Variants in PRDM15 observed in about 807,000 individuals in gnomAD.
PRDM15 encodes the protein PR/SET domain 15.
In PRDM15, 64 loss-of-function variants were observed where a neutral mutation model predicts 128.6. The ratio of observed to expected loss-of-function variants is 0.50; its 90% CI spans 0.41 to 0.61. The LOEUF (loss-of-function observed/expected upper bound fraction) is 0.61. Ranked by LOEUF, PRDM15 falls within the 20% of genes least tolerant of loss-of-function variation. The pLI, the probability that PRDM15 is intolerant of heterozygous loss-of-function variation, is 0.00. For missense variants in PRDM15, 1,242 were observed against 1,569.1 expected, an observed-to-expected ratio of 0.79 and a Z score of 3.52; for synonymous variants, 615 against 621.8, an observed-to-expected ratio of 0.99 and a Z score of 0.16.
At position 41,821,221 on chromosome 21, in the gene PRDM15, C is replaced by T. The variant is rs373360314; in HGVS notation, c.1906G>A (p.Gly636Ser). 1.9e-5 allele frequency: 31 copies of T among 1,613,990 alleles called. No individual in the cohort carries two copies. Among genetic ancestry groups the T allele is most frequent in the African/African-American group, 1.3e-5 (1 of 74,920 alleles). Reference protein sequence around the residue: ...YSCKRCQLTFGRGKEYLKHIM... With the variant: ...YSCKRCQLTFSRGKEYLKHIM... ...TGCTTCAGGTACTCCTTCCCCCGGC[C>T]GAAGGTGAGCTGCGGGCCAGGTGGA... The change falls in exon 16 of 24, where the codon GGC becomes AGC. Residue 636 changes from glycine (G) to serine (S), a missense_variant. This residue lies in a region of PRDM15 where 602 missense variants were observed against 788.3 expected (regional missense o/e 0.76). Transcript: ENST00000398548. The surrounding 1 kb of genome is among the most constrained non-coding windows in gnomAD (Gnocchi z 5.4).
Position 41,859,365 on chromosome 21 carries a change from C to A in PRDM15, c.131+227G>T. On this transcript the variant is annotated intron_variant, in intron 3 of 23. Coordinates refer to ENST00000398548, the MANE Select transcript of PRDM15 (RefSeq NM_001040424.3). This position sits in a 1 kb window ranked among gnomAD's most constrained non-coding sequence, Gnocchi z 5.3. Reference sequence around the variant, plus strand: ...GAACAGCTGGGCTCCAGCTAAGAACCCTGGAGTGGATCAAAGAAACTCACT... The same window carrying A: ...GAACAGCTGGGCTCCAGCTAAGAACACTGGAGTGGATCAAAGAAACTCACT... 1 of 839,866 alleles carries A rather than the reference C, an allele frequency of 1.2e-6. No individual in the cohort carries two copies. 52.0% of individuals were successfully genotyped at this position (839,866 alleles called of 1,614,324 possible).
intron 1 of PRDM15, among the ~76,000 whole-genome samples, chr21:41,864,476 T>A: frequency 4.8e-4 from 1 of 2,102 alleles, no homozygotes; most frequent in East Asian, 0.011. Context: ...AAAACCAACA[T>A]GTCAAAAAGT....
intron 21 of PRDM15, among the ~76,000 whole-genome samples, chr21:41,806,868 G>GCACCACTACCA (rs2061694003): frequency 1.3e-3 from 151 of 118,624 alleles, no homozygotes; most frequent in African/African-American, 5.1e-3. Context: ...CACTACCACC[G>GCACCACTACCA]CCATCACCAT....
intron 1 of PRDM15, among the ~76,000 whole-genome samples, chr21:41,875,747 T>C (rs754610185): frequency 2.6e-5 from 4 of 152,228 alleles, no homozygotes; most frequent in Admixed American, 6.5e-5. Context: ...CTACTGTAAC[T>C]TTTTGCAACA....
chr21:41,800,649 T>TCAGCACGCCTCATGGTTTCAGCC lies in PRDM15; in HGVS notation c.*568_*590dup, dbSNP rs1268537702. 55 of 152,238 alleles carry TCAGCACGCCTCATGGTTTCAGCC rather than the reference T, an allele frequency of 3.6e-4. 1 individual carries two copies. The allele number at this position is 152,238 out of a possible 1,614,324, so 9.4% of individuals were successfully genotyped here. ...CGAAGGTTGCAGGATCAGGTGCGGCTCAGCACGCCTCATGGTTTCAGCCCA... is the reference window on the plus strand; with the variant it reads ...CGAAGGTTGCAGGATCAGGTGCGGCTCAGCACGCCTCATGGTTTCAGCCCAGCACGCCTCATGGTTTCAGCCCA... On this transcript the variant is annotated 3_prime_UTR_variant, in exon 24 of 24. Coordinates refer to ENST00000398548, the MANE Select transcript of PRDM15 (RefSeq NM_001040424.3).
At chr21:41,848,499 C>T (rs578093684) in intron 5 of PRDM15, among the ~76,000 whole-genome samples, 46 of 152,328 alleles carry the variant, frequency 3.0e-4, no homozygotes, top group African/African-American at 1.1e-3. Flanking sequence ...TCTGAGAATC[C>T]GCTGCTTGAA....
intron 5 of PRDM15, among the ~76,000 whole-genome samples, chr21:41,851,833 A>G (rs77251888): frequency 0.012 from 1,813 of 152,308 alleles, 52 homozygotes; most frequent in African/African-American, 0.042. Context: ...TTTGTCCCCA[A>G]ACACAAGTGA....
intron 7 of PRDM15, among the ~76,000 whole-genome samples, chr21:41,839,061 A>G (rs2062986631): frequency 6.6e-6 from 1 of 152,152 alleles, no homozygotes; most frequent in Non-Finnish European, 1.5e-5. Context: ...GAGACCACAC[A>G]CCCTGGAAGA....
chr21:41,866,214 T>C (rs1453389583), intron 1 of PRDM15, among the ~76,000 whole-genome samples: 2 of 152,268 alleles, frequency 1.3e-5, no homozygotes, highest in Non-Finnish European at 2.9e-5. Context: ...GGTTGGAAAG[T>C]TCCAAATGTT....
Position 41,810,030 on chromosome 21 carries a change from T to G in PRDM15, c.2652+124A>C, listed in dbSNP as rs1234235189. 2 of 968,988 alleles carry G rather than the reference T, an allele frequency of 2.1e-6. No homozygotes were observed. Among genetic ancestry groups the G allele is most frequent in the Admixed American group, 2.5e-5 (1 of 39,656 alleles). 60.0% of individuals were successfully genotyped at this position (968,988 alleles called of 1,614,324 possible). ...AGGCAGTGCCAGTCACAGACGCACC[T>G]AAGACTCAGGGCCTGCCTCCAGTAC... On this transcript the variant is annotated intron_variant, in intron 21 of 23. Coordinates refer to ENST00000398548, the MANE Select transcript of PRDM15 (RefSeq NM_001040424.3). This position sits in a 1 kb window ranked among gnomAD's most constrained non-coding sequence, Gnocchi z 6.4.
chr21:41,854,734 CCGCTGGCCG>C lies in PRDM15; in HGVS notation c.361_369del (p.Arg121_Ala123del). 6.2e-7 allele frequency: 1 copy of C among 1,613,272 alleles called. No individual in the cohort carries two copies. Among genetic ancestry groups the C allele is most frequent in the Non-Finnish European group, 8.5e-7 (1 of 1,179,874 alleles). ...GTCAGGTTCTGGTGCTCGGCCTCCGCCGCTGGCCGCACCAGCATCATCCAGTTGCAGTCA... is the reference window on the plus strand; with the variant it reads ...GTCAGGTTCTGGTGCTCGGCCTCCGCCACCAGCATCATCCAGTTGCAGTCA... On this transcript the variant is annotated inframe_deletion, in exon 5 of 24. Coordinates refer to ENST00000398548, the MANE Select transcript of PRDM15 (RefSeq NM_001040424.3). This position sits in a 1 kb window ranked among gnomAD's most constrained non-coding sequence, Gnocchi z 4.6.
chr21:41,818,244 T>C (rs1006452889), intron 18 of PRDM15, among the ~76,000 whole-genome samples: 11 of 152,214 alleles, frequency 7.2e-5, no homozygotes, highest in Non-Finnish European at 1.6e-4. Context: ...CCTGTCCCGC[T>C]AAGGCAGGCA....
chr21:41,810,010 G>A lies in PRDM15; in HGVS notation c.2652+144C>T. 7.9e-6 allele frequency: 6 copies of A among 758,888 alleles called. No homozygotes were observed. The highest frequency in any genetic ancestry group is 1.3e-5 in the Non-Finnish European group (6 of 479,388). 47.0% of individuals were successfully genotyped at this position (758,888 alleles called of 1,614,324 possible). On this transcript the variant is annotated intron_variant, in intron 21 of 23. Coordinates refer to ENST00000398548, the MANE Select transcript of PRDM15 (RefSeq NM_001040424.3). The surrounding 1 kb of genome is among the most constrained non-coding windows in gnomAD (Gnocchi z 6.4). ...CTCAGTGCCTCCTGTGTGGCAGGCA[G>A]TGCCAGTCACAGACGCACCTAAGAC...
In PRDM15 at chr21:41,819,630, G is replaced by C; in HGVS notation, c.2212C>G (p.Arg738Gly). 1 of 1,611,630 alleles carries C rather than the reference G, an allele frequency of 6.2e-7. No individual in the cohort carries two copies. Among genetic ancestry groups the C allele is most frequent in the Non-Finnish European group, 8.5e-7 (1 of 1,179,400 alleles). ...TACTCGCGGACATTGTCGTGCACAC[G>C]CATGTGCTCCTTCAGCATGTCCTTC... ...ARKDMLKEHM[R>G]VHDNVREYLC... The change falls in exon 18 of 24, where the codon CGT (arginine) becomes GGT (glycine). Residue 738 changes from arginine (R) to glycine (G), a missense_variant. Arg to Gly is a moderately radical substitution (Grantham distance 125). Transcript: ENST00000398548.
intron 19 of PRDM15, among the ~76,000 whole-genome samples, chr21:41,815,188 G>A (rs2062008788): frequency 6.6e-6 from 1 of 152,204 alleles, no homozygotes; most frequent in Non-Finnish European, 1.5e-5. Context: ...GATGGCACAG[G>A]CTGCTCTTTG....
In PRDM15 at chr21:41,854,462, C is replaced by T; in HGVS notation, c.538+104G>A. On this transcript the variant is annotated intron_variant, in intron 5 of 23. Transcript: ENST00000398548. The surrounding 1 kb of genome is among the most constrained non-coding windows in gnomAD (Gnocchi z 4.6). ...TCCGCATCCCAGCAGCTGGCCCAGC[C>T]CAACCCATCTCATCAGTGTGGGGTC... The T allele has an allele frequency of 6.9e-7, 1 of 1,447,276 alleles. No individual in the cohort carries two copies. Among genetic ancestry groups the T allele is most frequent in the Non-Finnish European group, 9.3e-7 (1 of 1,074,334 alleles). 89.7% of individuals were successfully genotyped at this position (1,447,276 alleles called of 1,614,324 possible). A position where few individuals can be genotyped will look rare whatever the true frequency, so the allele number is the denominator to read the frequency against.
intron 18 of PRDM15, among the ~76,000 whole-genome samples, chr21:41,817,273 T>C (rs1053405961): frequency 7.2e-5 from 11 of 152,360 alleles, no homozygotes; most frequent in African/African-American, 2.4e-4. Flanking sequence ...ATGCCTTTTT[T>C]ATAGCTTTCA....
At chr21:41,845,326 C>T (rs2063228850) in intron 6 of PRDM15, among the ~76,000 whole-genome samples, 1 of 137,018 alleles carries the variant, frequency 7.3e-6, no homozygotes, top group Non-Finnish European at 1.6e-5. Flanking sequence ...CTCCCCCTCA[C>T]AGGGACACAC....
intron 8 of PRDM15, among the ~76,000 whole-genome samples, 162 bp downstream of exon 8, chr21:41,837,771 CA>C (rs1568959007): frequency 0.036 from 184 of 5,092 alleles, no homozygotes; most frequent in Admixed American, 0.081. Flanking sequence ...AGCTCCAGAA[CA>C]TTCCTGAGCT....
Sources: allele counts gnomAD v4.1 joint callset (sites outside exome capture counted in the v4.1 genomes callset), GRCh38; gene constraint gnomAD v4.1.1; regional missense constraint gnomAD v4.1.1; non-coding constraint Gnocchi (gnomAD v3.1); transcripts MANE v1.5; gene names NCBI Gene and HGNC (gene_info 2026-07-23, HGNC 2026-07-21).